The following PGAP2 variants were observed in gnomAD, a reference collection of about 807,000 sequenced individuals.
PGAP2 encodes the protein acyltransferase PGAP2.
A neutral mutation model predicts 33.2 loss-of-function variants in PGAP2; 21 were observed. The ratio of observed to expected loss-of-function variants is 0.63; its 90% CI spans 0.45 to 0.91. The LOEUF (loss-of-function observed/expected upper bound fraction) is 0.91, where lower values mean the gene tolerates loss of function less well. Among genes scored for constraint, PGAP2 ranks in the 40% least tolerant of loss-of-function variants. The probability of loss-of-function intolerance (pLI) is 0.00; values close to 1 mark genes in which losing one functional copy is unlikely to be tolerated. For missense variants in PGAP2, 345 were observed against 424.0 expected (o/e 0.81, Z 1.64); for synonymous variants, 161 against 172.9 (o/e 0.93, Z 0.54).
At chr11:3,805,510 C>T (rs1389527311), upstream of PGAP2, among the ~76,000 whole-genome samples, 1 of 151,156 alleles carries the variant, frequency 6.6e-6, no homozygotes, top group East Asian at 2.0e-4. Flanking sequence ...GATCCTCCTG[C>T]CTTGGCCTCC....
chr11:3,823,805 T>C (rs2089448490), intron 3 of PGAP2, 78 bp from the exon 4 acceptor site: 2 of 1,597,268 alleles, frequency 1.3e-6, no homozygotes, highest in South Asian at 1.1e-5. Flanking sequence ...CAAGAGTGAT[T>C]TTGTCAGATG....
rs760986998 is a variant in PGAP2, at chr11:3,825,006, AG to A, written c.709-13del. ...CCAGCAAGCTGCAGAGTGATCAGAC[AG>A]CCCATTCCCTAGGATCGCAAGTCCT... On this transcript the variant is annotated splice_polypyrimidine_tract_variant and intron_variant, in intron 5 of 6. Transcript: ENST00000278243. 3.7e-6 allele frequency: 6 copies of A among 1,614,018 alleles called. No homozygotes were observed.
intron 1 of PGAP2, chr11:3,798,066 A>C (rs2082822047): frequency 6.6e-7 from 1 of 1,509,488 alleles, no homozygotes; most frequent in Non-Finnish European, 8.8e-7. Flanking sequence ...CTTCCCGCCC[A>C]GACCACGTGC....
chr11:3,823,103 C>T, intron 3 of PGAP2: 1 of 547,494 alleles, frequency 1.8e-6, no homozygotes, highest in South Asian at 2.5e-5. Flanking sequence ...GTGGCACAAT[C>T]TCGGCTCACT....
Position 3,825,497 on chromosome 11 carries a change from CAGA to C in PGAP2, c.*41_*43del, listed in dbSNP as rs1018660555. The C allele has an allele frequency of 1.9e-6, 3 of 1,598,938 alleles. No individual in the cohort carries two copies. The African/African-American group carries it at 4.0e-5, about 21-fold the overall frequency. On this transcript the variant is annotated 3_prime_UTR_variant, in exon 7 of 7. Coordinates refer to ENST00000278243, the MANE Select transcript of PGAP2 (RefSeq NM_014489.4). ...GCTTGGGAGGACGCAGCCCACTGCCCAGAAACAAGAAACACGATACCATTCTGG... is the reference window on the plus strand; with the variant it reads ...GCTTGGGAGGACGCAGCCCACTGCCCAACAAGAAACACGATACCATTCTGG...
chr11:3,824,975 T>C (rs773889413), intron 5 of PGAP2, 45 bp from the exon 6 acceptor site: 108 of 1,612,936 alleles, frequency 6.7e-5, no homozygotes, highest in Non-Finnish European at 8.8e-5. Context: ...GCCCACGCTC[T>C]CATACCCAGC....
At chr11:3,806,750 G>A (rs1471699039), upstream of PGAP2, among the ~76,000 whole-genome samples, 2 of 152,232 alleles carry the variant, frequency 1.3e-5, no homozygotes, top group South Asian at 2.1e-4. Context: ...ATCTACTGGC[G>A]GAGGCTCATG....
chr11:3,818,379 G>A (rs545641726), intron 3 of PGAP2, among the ~76,000 whole-genome samples: 28 of 151,854 alleles, frequency 1.8e-4, no homozygotes, highest in Admixed American at 8.5e-4. Context: ...GTTAGAGGGA[G>A]GTGATAGGGG....
Position 3,808,659 on chromosome 11 carries a change from TG to T in PGAP2, c.-11+11del. ...CTCGCCACCACCGCGTGGGTGAGTA[TG>T]GGCATGGATGTGCTGGGCTGCCGGG... is the stretch of plus-strand genomic sequence containing the variant. On this transcript the variant is annotated intron_variant, in intron 1 of 6. Coordinates refer to ENST00000278243, the MANE Select transcript of PGAP2 (RefSeq NM_014489.4). 2 of 1,197,004 alleles carry T rather than the reference TG, an allele frequency of 1.7e-6. No individual in the cohort carries two copies. Among genetic ancestry groups the T allele is most frequent in the South Asian group, 4.3e-5 (2 of 46,978 alleles). 74.1% of individuals were successfully genotyped at this position (1,197,004 alleles called of 1,614,324 possible). A position where few individuals can be genotyped will look rare whatever the true frequency, so the allele number is the denominator to read the frequency against.
intron 3 of PGAP2, chr11:3,822,941 A>G: frequency 6.5e-7 from 1 of 1,543,090 alleles, no homozygotes; most frequent in Non-Finnish European, 8.8e-7. Flanking sequence ...CCAGGCATTA[A>G]GATGGATGGT....
At chr11:3,807,043 GAAA>G (rs527407082), upstream of PGAP2, among the ~76,000 whole-genome samples, 24 of 139,226 alleles carry the variant, frequency 1.7e-4, no homozygotes, top group Middle Eastern at 4.1e-3. Context: ...GAGAAAGAAA[GAAA>G]AAAAAAAGGC....
At chr11:3,803,519 C>T (rs1352884100) in intron 1 of PGAP2, among the ~76,000 whole-genome samples, 1 of 151,988 alleles carries the variant, frequency 6.6e-6, no homozygotes, top group Non-Finnish European at 1.5e-5. Flanking sequence ...CCTCCGCCTC[C>T]TGGGTTCAAG....
chr11:3,802,429 C>A (rs909560952), intron 1 of PGAP2, among the ~76,000 whole-genome samples: 1 of 152,198 alleles, frequency 6.6e-6, no homozygotes, highest in Non-Finnish European at 1.5e-5. Flanking sequence ...CATCTTCCTT[C>A]TTCCGTTCTA....
In PGAP2 at chr11:3,824,040, G is replaced by A. The variant is rs548872160; in HGVS notation, c.506G>A (p.Cys169Tyr). The A allele has an allele frequency of 1.9e-6, 3 of 1,614,188 alleles. No homozygotes were observed. Among genetic ancestry groups the A allele is most frequent in the African/African-American group, 1.3e-5 (1 of 75,054 alleles). ...HYLSCTSPCS[C>Y]YRPLCRLNFG... ...CTCAGCTGCACCTCCCCGTGTTCCT[G>A]CTATCGCCCGCTCTGCCGCCTCAAC... Residue 169 changes from cysteine to tyrosine, a missense_variant, in exon 4 of 7, where the codon TGC (cysteine) becomes TAC (tyrosine). By Grantham distance (194) the Cys-to-Tyr change is radical. Coordinates refer to ENST00000278243, the MANE Select transcript of PGAP2 (RefSeq NM_014489.4).
Position 3,814,756 on chromosome 11 carries a change from C to CT in PGAP2, c.166-2594dup, listed in dbSNP as rs1565011561. On this transcript the variant is annotated intron_variant, in intron 2 of 6. Coordinates refer to ENST00000278243, the MANE Select transcript of PGAP2 (RefSeq NM_014489.4). ...CTTTCCTTCTTTCCTTCTTTTCTTT[C>CT]TTTCTTTCTTTCTTTCTTTCTTTCT... Among the ~76,000 whole-genome samples the CT allele has an allele frequency of 4.9e-3, 236 of 47,844 alleles. 3 individuals carry two copies. The highest frequency in any genetic ancestry group is 0.029 in the Middle Eastern group (3 of 102). The allele number at this position is 47,844 out of a possible 152,430, so 31.4% of individuals were successfully genotyped here. A position where few individuals can be genotyped will look rare whatever the true frequency, so the allele number is the denominator to read the frequency against.
At chr11:3,824,410 G>A (rs759163344) in intron 5 of PGAP2, 34 bp downstream of exon 5, 29 of 1,613,996 alleles carry the variant, frequency 1.8e-5, no homozygotes, top group Middle Eastern at 1.6e-4. Context: ...CTCCAAGGCA[G>A]CCCAGAAGAA....
At chr11:3,815,190 G>A (rs897373332) in intron 2 of PGAP2, among the ~76,000 whole-genome samples, 8 of 152,144 alleles carry the variant, frequency 5.3e-5, no homozygotes, top group East Asian at 1.9e-4. Flanking sequence ...CTTACTTTCC[G>A]GTGAGTCTCT....
At chr11:3,799,953 C>A (rs7102148) in intron 1 of PGAP2, among the ~76,000 whole-genome samples, 1,975 of 152,038 alleles carry the variant, frequency 0.013, 43 homozygotes, top group African/African-American at 0.045. Context: ...GGGCAACAGA[C>A]GGAGCCTCCG....
chr11:3,814,804 CTT>C (rs770651441), intron 2 of PGAP2, among the ~76,000 whole-genome samples: 1 of 123,508 alleles, frequency 8.1e-6, no homozygotes, highest in African/African-American at 2.9e-5. Context: ...TTCTTTCTTT[CTT>C]TCTTTCTCTT....
Sources: gnomAD v4.1 joint callset for allele counts (sites outside exome capture counted in the v4.1 genomes callset) on GRCh38, gnomAD v4.1.1 for gene constraint, MANE v1.5 for transcripts, NCBI Gene and HGNC (gene_info 2026-07-23, HGNC 2026-07-21) for gene names.